Variants in MIA2 observed in about 807,000 individuals in gnomAD.
MIA2 encodes melanoma inhibitory activity protein 2.
Under a neutral mutation model 167.8 loss-of-function variants are expected in MIA2, and 127 were observed. The ratio of observed to expected loss-of-function variants is 0.76; its 90% CI spans 0.66 to 0.88. MIA2 has a LOEUF of 0.88. Ranked by LOEUF, MIA2 falls within the 40% of genes least tolerant of loss-of-function variation. The pLI, the probability that MIA2 is intolerant of heterozygous loss-of-function variation, is 0.00. For synonymous variants in MIA2, 552 were observed against 541.9 expected, an observed-to-expected ratio of 1.02 and a Z score of -0.26; for missense variants, 1,690 against 1,624.7, an observed-to-expected ratio of 1.04 and a Z score of -0.69.
At position 39,304,401 on chromosome 14, in the gene MIA2, A is replaced by C. The variant is rs762508694; in HGVS notation, c.2878+20A>C. 7.5e-7 allele frequency: 1 copy of C among 1,324,534 alleles called. No homozygotes were observed. Among genetic ancestry groups the C allele is most frequent in the Non-Finnish European group, 1.0e-6 (1 of 958,438 alleles). The allele number at this position is 1,324,534 out of a possible 1,614,324, so 82.0% of individuals were successfully genotyped here. A position where few individuals can be genotyped will look rare whatever the true frequency, so the allele number is the denominator to read the frequency against. On this transcript the variant is annotated intron_variant, in intron 17 of 28. Coordinates refer to ENST00000640607, the MANE Select transcript of MIA2 (RefSeq NM_001329214.4). ...TTACAGGTAGGTCATTGACATACAT[A>C]CTTTTAATGTTTTTCTAAGTAAGTA... is the stretch of plus-strand genomic sequence containing the variant.
intron 18 of MIA2, among the ~76,000 whole-genome samples, 156 bp downstream of exon 18, chr14:39,308,743 C>T (rs1032278639): frequency 2.0e-5 from 3 of 152,146 alleles, no homozygotes; most frequent in African/African-American, 4.8e-5. Context: ...GATCTGGAGA[C>T]ACTTTTTTTC....
chr14:39,364,956 A>T (rs1042382717), intron 23 of MIA2, among the ~76,000 whole-genome samples: 1 of 151,714 alleles, frequency 6.6e-6, no homozygotes, highest in Non-Finnish European at 1.5e-5. Context: ...CGCATTTGGG[A>T]TCTCTGAATT....
intron 22 of MIA2, 28 bp downstream of exon 22, chr14:39,318,039 ATTAG>A (rs779318622): frequency 6.7e-7 from 1 of 1,492,160 alleles, no homozygotes; most frequent in Admixed American, 2.1e-5. Context: ...AACATTTAAA[ATTAG>A]TTATTCTGTT....
At chr14:39,296,540 C>T (rs563743505) in intron 13 of MIA2, among the ~76,000 whole-genome samples, 8 of 151,566 alleles carry the variant, frequency 5.3e-5, no homozygotes, top group Non-Finnish European at 5.9e-5. Context: ...CTCGGCCTCC[C>T]AAAGTGCTAG....
At chr14:39,298,530 G>GTTTTGTTTTTTTTT (rs2061832220) in intron 13 of MIA2, among the ~76,000 whole-genome samples, 3 of 26,180 alleles carry the variant, frequency 1.1e-4, no homozygotes, top group Non-Finnish European at 2.0e-4. Context: ...GTAGAACAGA[G>GTTTTGTTTTTTTTT]TTTTTTTTTT....
At chr14:39,339,253 C>T (rs563809985) in intron 25 of MIA2, among the ~76,000 whole-genome samples, 56 of 152,266 alleles carry the variant, frequency 3.7e-4, no homozygotes, top group Non-Finnish European at 6.2e-4. Flanking sequence ...TAACAGCCCG[C>T]GGAAAGGTAC....
intron 23 of MIA2, among the ~76,000 whole-genome samples, chr14:39,380,768 G>C (rs2139361016): frequency 6.7e-6 from 1 of 148,582 alleles, no homozygotes; most frequent in East Asian, 2.0e-4. Flanking sequence ...ATTATATAAA[G>C]AGACCAATTT....
At chr14:39,371,959 T>C (rs1332001233) in intron 23 of MIA2, among the ~76,000 whole-genome samples, 1 of 152,116 alleles carries the variant, frequency 6.6e-6, no homozygotes, top group Non-Finnish European at 1.5e-5. Flanking sequence ...AGTCCTTTTT[T>C]CTTTTTTTTT....
At position 39,247,024 on chromosome 14, in the gene MIA2, A is replaced by T; in HGVS notation, c.450A>T (p.Glu150Asp). The change falls in exon 4 of 29, where the codon GAA (glutamate) becomes GAT (aspartate). Residue 150 changes from glutamate (E) to aspartate (D), a missense_variant. Physicochemically the swap from Glu to Asp is conservative, Grantham distance 45 (BLOSUM62 2). Coordinates refer to ENST00000640607, the MANE Select transcript of MIA2 (RefSeq NM_001329214.4). ...NIYPYEEDKD[E>D]KSSIYESDFQ... ...ATCCTTATGAAGAAGATAAAGATGA[A>T]AAATCTAGTATATATGAAAGTGATT... The T allele has an allele frequency of 6.3e-7, 1 of 1,593,294 alleles. No individual in the cohort carries two copies. Among genetic ancestry groups the T allele is most frequent in the South Asian group, 1.2e-5 (1 of 86,280 alleles).
intron 25 of MIA2, among the ~76,000 whole-genome samples, chr14:39,338,935 T>C (rs1342499502): frequency 6.6e-6 from 1 of 152,194 alleles, no homozygotes. Context: ...ATTTATTAAG[T>C]AGATAATGTC....
At chr14:39,343,835 A>G (rs977623480) in intron 25 of MIA2, among the ~76,000 whole-genome samples, 3 of 151,960 alleles carry the variant, frequency 2.0e-5, no homozygotes, top group Admixed American at 1.3e-4. Flanking sequence ...ATATGTGTGT[A>G]TGTATGTGTG....
intron 6 of MIA2, among the ~76,000 whole-genome samples, chr14:39,273,235 C>CTT (rs35613060): frequency 3.8e-5 from 5 of 132,142 alleles, no homozygotes; most frequent in African/African-American, 2.8e-5. Context: ...AGGAGAAAAG[C>CTT]TTTTTTTTTT....
intron 9 of MIA2, among the ~76,000 whole-genome samples, chr14:39,285,883 G>A (rs1187883571): frequency 3.9e-4 from 58 of 150,464 alleles, no homozygotes; most frequent in Non-Finnish European, 5.5e-4. Context: ...CATCTCAGAC[G>A]ATGGGCGGCC....
intron 24 of MIA2, among the ~76,000 whole-genome samples, chr14:39,326,558 T>G (rs149821039): frequency 6.6e-6 from 1 of 151,462 alleles, no homozygotes; most frequent in South Asian, 2.1e-4. Context: ...TTTGGACTAT[T>G]GATATATTAG....
At chr14:39,283,251 A>G (rs1179087913) in intron 9 of MIA2, among the ~76,000 whole-genome samples, 1 of 152,202 alleles carries the variant, frequency 6.6e-6, no homozygotes, top group Non-Finnish European at 1.5e-5. Context: ...TCGGATAAAT[A>G]TCTGGAAGAA....
At chr14:39,365,261 T>G (rs2074794843) in intron 23 of MIA2, among the ~76,000 whole-genome samples, 1 of 152,174 alleles carries the variant, frequency 6.6e-6, no homozygotes, top group South Asian at 2.1e-4. Flanking sequence ...AGACGGGGTT[T>G]CACCATGTTG....
At chr14:39,335,553 T>C (rs537350676) in intron 25 of MIA2, among the ~76,000 whole-genome samples, 4 of 152,192 alleles carry the variant, frequency 2.6e-5, no homozygotes, top group Admixed American at 2.6e-4. Flanking sequence ...CTGCTCTAAC[T>C]TATCTCTTTT....
In MIA2 at chr14:39,248,744, C is replaced by CT. The variant is rs199592489; in HGVS notation, c.1567+615dup. ...TCTTAGAAACCTAAGCTAAGGGAAA[C>CT]TTTTTTTTTTTTCCAGACAGGGTCT... On this transcript the variant is annotated intron_variant, in intron 4 of 28. Transcript: ENST00000640607. 1.6e-3 allele frequency among the ~76,000 whole-genome samples: 230 copies of CT among 146,860 alleles called. 2 individuals carry two copies. Among genetic ancestry groups the CT allele is most frequent in the Non-Finnish European group, 1.3e-3 (86 of 66,190 alleles).
chr14:39,245,313 AC>A (rs1320761122), intron 3 of MIA2, among the ~76,000 whole-genome samples: 2 of 152,132 alleles, frequency 1.3e-5, no homozygotes, highest in African/African-American at 4.8e-5. Flanking sequence ...TCCCTGGGCC[AC>A]CCTGGAAGAA....
Sources: gnomAD v4.1 joint callset for allele counts (sites outside exome capture counted in the v4.1 genomes callset) on GRCh38, gnomAD v4.1.1 for gene constraint, MANE v1.5 for transcripts, NCBI Gene and HGNC (gene_info 2026-07-23, HGNC 2026-07-21) for gene names.